The following KLHL32 variants were observed in gnomAD, a reference collection of about 807,000 sequenced individuals.
KLHL32 encodes the protein kelch like family member 32.
A neutral mutation model predicts 64.8 loss-of-function variants in KLHL32; 35 were observed. The observed-to-expected ratio is 0.54, with a 90% CI of 0.41 to 0.72. KLHL32 has a LOEUF of 0.72. Among genes scored for constraint, KLHL32 ranks in the 30% least tolerant of loss-of-function variants. The probability of loss-of-function intolerance (pLI) is 0.00; values close to 1 mark genes in which losing one functional copy is unlikely to be tolerated. For missense variants in KLHL32, 589 were observed against 768.5 expected (o/e 0.77, Z 2.76); for synonymous variants, 259 against 281.0 (o/e 0.92, Z 0.78).
At chr6:97,029,969 A>G (rs1783300888) in intron 3 of KLHL32, among the ~76,000 whole-genome samples, 1 of 152,220 alleles carries the variant, frequency 6.6e-6, no homozygotes, top group Admixed American at 6.5e-5. Flanking sequence ...AATCATTGCG[A>G]GTTGCTCTTT....
chr6:97,136,485 C>T (rs1800027343), intron 10 of KLHL32, among the ~76,000 whole-genome samples: 1 of 152,174 alleles, frequency 6.6e-6, no homozygotes, highest in African/African-American at 2.4e-5. Flanking sequence ...AAATAGATTA[C>T]TGACGAAAGT....
chr6:97,127,588 G>T, intron 8 of KLHL32, 126 bp downstream of exon 8: 1 of 797,262 alleles, frequency 1.3e-6, no homozygotes, highest in Non-Finnish European at 2.1e-6. Context: ...ATAGAGAAAA[G>T]GAAGCATCTG....
At chr6:97,036,221 T>C (rs1483761785) in intron 3 of KLHL32, among the ~76,000 whole-genome samples, 1 of 152,204 alleles carries the variant, frequency 6.6e-6, no homozygotes, top group African/African-American at 2.4e-5. Context: ...TTCCCTTTCA[T>C]TTATGTATTA....
At chr6:97,060,513 G>T (rs1262429031) in intron 4 of KLHL32, among the ~76,000 whole-genome samples, 1 of 152,108 alleles carries the variant, frequency 6.6e-6, no homozygotes, top group African/African-American at 2.4e-5. Flanking sequence ...GGTGGCCCAC[G>T]TCATCATGCT....
intron 3 of KLHL32, among the ~76,000 whole-genome samples, chr6:96,984,061 G>C (rs1776694634): frequency 6.6e-6 from 1 of 152,198 alleles, no homozygotes; most frequent in Non-Finnish European, 1.5e-5. Flanking sequence ...ATGCGTCCCA[G>C]AGATCCTGAT....
chr6:96,934,722 A>C (rs56144750), intron 1 of KLHL32, among the ~76,000 whole-genome samples: 19,601 of 152,212 alleles, frequency 0.13, 1,527 homozygotes, highest in East Asian at 0.26. Context: ...AATAACATAC[A>C]TTTCTGCATA....
chr6:97,035,457 T>C (rs1453416956), intron 3 of KLHL32, among the ~76,000 whole-genome samples: 1 of 152,180 alleles, frequency 6.6e-6, no homozygotes, highest in Non-Finnish European at 1.5e-5. Context: ...TTCACGTTAC[T>C]GTTTAGCATG....
intron 1 of KLHL32, among the ~76,000 whole-genome samples, chr6:96,939,676 A>G (rs910825843): frequency 2.6e-5 from 4 of 152,138 alleles, no homozygotes; most frequent in African/African-American, 7.2e-5. Context: ...AGGGCAGTGA[A>G]GGGGGAAATG....
rs111579218 is a variant in KLHL32, at chr6:96,934,458, AC to A, written c.-66+9433del. The stretch of plus-strand genomic sequence containing the variant: ...TTGTCATTGACACTTAACAACAACA[AC>A]AAAAAAATAGCAAGTTAAATCAGTT... On this transcript the variant is annotated intron_variant, in intron 1 of 10. Transcript: ENST00000369261. Among the ~76,000 whole-genome samples, 316 of 148,338 alleles carry A rather than the reference AC, an allele frequency of 2.1e-3. 2 individuals carry two copies. The highest frequency in any genetic ancestry group is 7.4e-3 in the African/African-American group (306 of 41,320).
At chr6:96,954,876 C>A (rs1000425229) in intron 1 of KLHL32, among the ~76,000 whole-genome samples, 1 of 152,114 alleles carries the variant, frequency 6.6e-6, no homozygotes, top group Admixed American at 6.5e-5. Flanking sequence ...ACTGTCTTAG[C>A]CAGCTTGGGC....
intron 2 of KLHL32, among the ~76,000 whole-genome samples, chr6:96,967,499 TGAGAGA>T (rs373488464): frequency 1.4e-5 from 2 of 146,540 alleles, no homozygotes; most frequent in East Asian, 2.0e-4. Flanking sequence ...GGATAGAGAA[TGAGAGA>T]GAGAGAGAGA....
intron 3 of KLHL32, among the ~76,000 whole-genome samples, chr6:97,011,188 CTAGGT>C (rs2128092377): frequency 6.6e-6 from 1 of 152,314 alleles, no homozygotes; most frequent in East Asian, 1.9e-4. Flanking sequence ...TTAAATTCTA[CTAGGT>C]TAGCACTTGA....
chr6:97,075,355 A>G (rs12526995), intron 5 of KLHL32, among the ~76,000 whole-genome samples: 320 of 152,326 alleles, frequency 2.1e-3, no homozygotes, highest in Non-Finnish European at 3.8e-3. Flanking sequence ...TATACAAAAT[A>G]TGCCTATATC....
intron 4 of KLHL32, among the ~76,000 whole-genome samples, chr6:97,053,227 G>A (rs574679584): frequency 1.2e-4 from 19 of 152,244 alleles, no homozygotes; most frequent in African/African-American, 4.6e-4. Context: ...AGGCAGAGAA[G>A]ATAATAAGTA....
chr6:97,077,896 T>C (rs1457570796), intron 5 of KLHL32, among the ~76,000 whole-genome samples: 1 of 152,340 alleles, frequency 6.6e-6, no homozygotes, highest in East Asian at 1.9e-4. Context: ...GAAATCTACT[T>C]TTTACTAGTT....
At chr6:97,089,134 C>T in intron 6 of KLHL32, among the ~76,000 whole-genome samples, 1 of 152,214 alleles carries the variant, frequency 6.6e-6, no homozygotes, top group Non-Finnish European at 1.5e-5. Flanking sequence ...AACTCCATTT[C>T]CCTCTTCCAG....
chr6:97,014,246 A>G (rs936774885), intron 3 of KLHL32, among the ~76,000 whole-genome samples: 9 of 151,908 alleles, frequency 5.9e-5, no homozygotes, highest in South Asian at 2.1e-4. Context: ...AGTGAGCCGA[A>G]ATCGCGCCAC....
rs535870433 is a variant in KLHL32 at position 97,057,318 on chromosome 6, G to A, written c.313-7310G>A. ...CCTGCCTCAGCCTCCTGTGTAGCTG[G>A]GACTACAGGCACGCGCCACCATGCC... On this transcript the variant is annotated intron_variant, in intron 4 of 10. Coordinates refer to ENST00000369261, the MANE Select transcript of KLHL32 (RefSeq NM_052904.4). Among the ~76,000 whole-genome samples the A allele has an allele frequency of 2.4e-5, 3 of 125,016 alleles. No individual in the cohort carries two copies. The East Asian group carries it at 6.7e-4, about 28-fold the overall frequency. 82.0% of individuals were successfully genotyped at this position (125,016 alleles called of 152,430 possible).
chr6:97,114,617 A>G lies in KLHL32; in HGVS notation c.1354+108A>G, dbSNP rs780125235. The G allele has an allele frequency of 2.2e-6, 3 of 1,336,106 alleles. No individual in the cohort carries two copies. In the African/African-American group the frequency reaches 4.3e-5, roughly 19 times the overall value. 82.8% of individuals were successfully genotyped at this position (1,336,106 alleles called of 1,614,324 possible). ...CATGTGTAATTGAAAGATTGAACCA[A>G]GCATGCCATTTTAGCTAATTAACAT... On this transcript the variant is annotated intron_variant, in intron 7 of 10. Transcript: ENST00000369261.
Sources: allele counts gnomAD v4.1 joint callset (sites outside exome capture counted in the v4.1 genomes callset), GRCh38; gene constraint gnomAD v4.1.1; transcripts MANE v1.5; gene names NCBI Gene and HGNC (gene_info 2026-07-23, HGNC 2026-07-21).